Variants in EXTL3 observed in about 807,000 individuals in gnomAD.
EXTL3 encodes the protein exostosin like glycosyltransferase 3, also known as exostosin-like 3.
In EXTL3, 27 loss-of-function variants were observed where a neutral mutation model predicts 69.3. The observed-to-expected ratio is 0.39, with a 90% confidence interval of 0.29 to 0.54. The LOEUF (loss-of-function observed/expected upper bound fraction) is 0.54. Among genes scored for constraint, EXTL3 ranks in the 20% least tolerant of loss-of-function variants. EXTL3 has a pLI of 0.69. For missense variants in EXTL3, 1,003 were observed against 1,231.8 expected (o/e 0.81, Z 2.78); for synonymous variants, 511 against 499.4 (o/e 1.02, Z -0.31).
intron 2 of EXTL3, among the ~76,000 whole-genome samples, chr8:28,613,827 A>G (rs1396783096): frequency 6.7e-6 from 1 of 150,012 alleles, no homozygotes; most frequent in Non-Finnish European, 1.5e-5. Context: ...TTTTTAGCCT[A>G]TTAGCCTAGT....
intron 3 of EXTL3, 22 bp downstream of exon 3, chr8:28,718,229 C>G: frequency 6.2e-7 from 1 of 1,606,132 alleles, no homozygotes; most frequent in African/African-American, 1.3e-5. Flanking sequence ...ACGAACAGTT[C>G]GTTTTGGTGC....
At chr8:28,619,313 A>AAAAAAAAC (rs1806375263), upstream of EXTL3, among the ~76,000 whole-genome samples, 2 of 120,244 alleles carry the variant, frequency 1.7e-5, no homozygotes, top group Non-Finnish European at 1.7e-5. Context: ...AAAAAAAAAA[A>AAAAAAAAC]AACCCTGTGT....
chr8:28,666,942 C>T (rs1352897294), intron 1 of EXTL3, among the ~76,000 whole-genome samples: 1 of 152,186 alleles, frequency 6.6e-6, no homozygotes, highest in Non-Finnish European at 1.5e-5. Flanking sequence ...TGGTTTGTCT[C>T]CTTACCTTGC....
chr8:28,726,925 G>A (rs1184059953), intron 3 of EXTL3, among the ~76,000 whole-genome samples: 8 of 136,452 alleles, frequency 5.9e-5, no homozygotes, highest in Non-Finnish European at 9.1e-5. Flanking sequence ...GTTGCCCAGC[G>A]TGGAGTGCAG....
intron 3 of EXTL3, 56 bp from the exon 4 acceptor site, chr8:28,731,167 G>T: frequency 6.2e-7 from 1 of 1,612,290 alleles, no homozygotes; most frequent in Non-Finnish European, 8.5e-7. Context: ...TACAGATTTT[G>T]TTTGGCCTTT....
At chr8:28,629,073 G>A (rs1318717967) in intron 1 of EXTL3, among the ~76,000 whole-genome samples, 6 of 152,052 alleles carry the variant, frequency 3.9e-5, no homozygotes, top group Admixed American at 6.6e-5. Context: ...GGTGAGGCCC[G>A]AGCTATCCAG....
intron 1 of EXTL3, among the ~76,000 whole-genome samples, chr8:28,660,022 A>C (rs553709142): frequency 6.6e-6 from 1 of 152,312 alleles, no homozygotes; most frequent in South Asian, 2.1e-4. Context: ...AGTTGTAAGG[A>C]TATGTTTTAC....
At chr8:28,668,157 C>T (rs117565910) in intron 1 of EXTL3, among the ~76,000 whole-genome samples, 81 of 150,366 alleles carry the variant, frequency 5.4e-4, no homozygotes, top group South Asian at 1.3e-3. Context: ...GTGGCAGCTA[C>T]TTGTGAGGCT....
intron 1 of EXTL3, among the ~76,000 whole-genome samples, chr8:28,690,998 G>A (rs1392472001): frequency 6.6e-6 from 1 of 152,086 alleles, no homozygotes; most frequent in African/African-American, 2.4e-5. Context: ...AAGTTGGGGG[G>A]AAGTGTATGC....
intron 4 of EXTL3, among the ~76,000 whole-genome samples, chr8:28,736,859 G>T (rs1428625248): frequency 6.6e-6 from 1 of 152,194 alleles, no homozygotes; most frequent in Non-Finnish European, 1.5e-5. Context: ...GCCAAGGGAG[G>T]TGGTGCAATC....
intron 1 of EXTL3, among the ~76,000 whole-genome samples, chr8:28,687,423 A>G (rs1416988391): frequency 6.6e-6 from 1 of 152,116 alleles, no homozygotes; most frequent in African/African-American, 2.4e-5. Flanking sequence ...CCGAGATCAC[A>G]CCACTGCACT....
intron 1 of EXTL3, among the ~76,000 whole-genome samples, chr8:28,693,545 A>G (rs1800647480): frequency 6.6e-6 from 1 of 152,208 alleles, no homozygotes; most frequent in South Asian, 2.1e-4. Flanking sequence ...AGAGAATACT[A>G]TGACATGAGG....
At chr8:28,691,624 A>G (rs1800618101) in intron 1 of EXTL3, among the ~76,000 whole-genome samples, 2 of 141,744 alleles carry the variant, frequency 1.4e-5, no homozygotes, top group East Asian at 2.0e-4. Context: ...TTGGCCGGGC[A>G]CGGTGGCTCA....
intron 2 of EXTL3, among the ~76,000 whole-genome samples, chr8:28,611,834 A>G (rs922621020): frequency 6.6e-6 from 1 of 152,220 alleles, no homozygotes; most frequent in Non-Finnish European, 1.5e-5. Flanking sequence ...CAAAGGGGTC[A>G]CAGGGTTAAA....
At chr8:28,608,142 G>A (rs1193780225) in intron 2 of EXTL3, among the ~76,000 whole-genome samples, 2 of 151,584 alleles carry the variant, frequency 1.3e-5, no homozygotes, top group African/African-American at 4.9e-5. Context: ...GAAAGAAATA[G>A]GCCATTAAGC....
At chr8:28,710,079 G>C (rs527821758) in intron 1 of EXTL3, among the ~76,000 whole-genome samples, 1 of 152,254 alleles carries the variant, frequency 6.6e-6, no homozygotes, top group Non-Finnish European at 1.5e-5. Context: ...GCCACAATCT[G>C]AATGATAAAT....
chr8:28,746,910 G>A (rs576278077), intron 6 of EXTL3, among the ~76,000 whole-genome samples: 84 of 152,238 alleles, frequency 5.5e-4, no homozygotes, highest in Non-Finnish European at 1.0e-3. Context: ...TCTTGACCTC[G>A]TGATCTGCCC....
At chr8:28,662,826 C>T (rs964380093) in intron 1 of EXTL3, among the ~76,000 whole-genome samples, 1 of 152,216 alleles carries the variant, frequency 6.6e-6, no homozygotes, top group African/African-American at 2.4e-5. Flanking sequence ...GTGGGAGCTC[C>T]TTGAACCCAG....
intron 1 of EXTL3, among the ~76,000 whole-genome samples, chr8:28,694,130 C>T (rs1800653559): frequency 6.6e-6 from 1 of 152,172 alleles, no homozygotes. Context: ...ACTGTTATCA[C>T]CAGTTTCTCC....
Sources: gnomAD v4.1 joint callset for allele counts (sites outside exome capture counted in the v4.1 genomes callset) on GRCh38, gnomAD v4.1.1 for gene constraint, MANE v1.5 for transcripts, NCBI Gene and HGNC (gene_info 2026-07-23, HGNC 2026-07-21) for gene names.